CNTN3: variants seen among roughly 807,000 people sequenced by gnomAD.
The protein encoded by CNTN3 is contactin-3.
Under a neutral mutation model 119.1 loss-of-function variants are expected in CNTN3, and 60 were observed. The ratio of observed to expected loss-of-function variants is 0.50; its 90% CI spans 0.41 to 0.62. The LOEUF (loss-of-function observed/expected upper bound fraction) is 0.62. Ranked by LOEUF, CNTN3 falls within the 20% of genes least tolerant of loss-of-function variation. The pLI, the probability that CNTN3 is intolerant of heterozygous loss-of-function variation, is 0.00. For missense variants in CNTN3, 1,101 were observed against 1,242.4 expected (o/e 0.89, Z 1.71); for synonymous variants, 450 against 438.7 (o/e 1.03, Z -0.32).
Position 74,457,394 on chromosome 3 carries a change from A to G in CNTN3, c.358+29062T>C, listed in dbSNP as rs559482222. On this transcript the variant is annotated intron_variant, in intron 4 of 22. Transcript: ENST00000263665. Reference sequence around the variant, plus strand: ...TGGTCAAAACTTTTTATACTTTATCATCAACTATGTGCCTAAGGAAAATTA... The same window carrying G: ...TGGTCAAAACTTTTTATACTTTATCGTCAACTATGTGCCTAAGGAAAATTA... Among the ~76,000 whole-genome samples, 263 of 152,136 alleles carry G rather than the reference A, an allele frequency of 1.7e-3. 2 individuals carry two copies. Among genetic ancestry groups the G allele is most frequent in the African/African-American group, 6.0e-3 (251 of 41,544 alleles).
chr3:74,380,949 T>G (rs1165191487), intron 5 of CNTN3, among the ~76,000 whole-genome samples: 1 of 152,062 alleles, frequency 6.6e-6, no homozygotes, highest in Admixed American at 6.6e-5. Context: ...TTTTCACTGG[T>G]AAACAGAAAT....
intron 4 of CNTN3, among the ~76,000 whole-genome samples, chr3:74,458,659 G>A (rs1019401692): frequency 6.6e-5 from 10 of 152,008 alleles, no homozygotes; most frequent in Non-Finnish European, 1.5e-5. Context: ...CAGAGATGGA[G>A]AAGAGATCAG....
intron 2 of CNTN3, among the ~76,000 whole-genome samples, chr3:74,509,366 T>G (rs942512028): frequency 2.0e-5 from 3 of 147,580 alleles, no homozygotes; most frequent in Non-Finnish European, 4.4e-5. Flanking sequence ...CAGGCTGGAG[T>G]GCAGTGATGC....
chr3:74,328,976 G>A (rs1197883423), intron 13 of CNTN3, among the ~76,000 whole-genome samples: 1 of 152,158 alleles, frequency 6.6e-6, no homozygotes, highest in African/African-American at 2.4e-5. Context: ...ACGGGGATAT[G>A]CTTAAAAACT....
intron 1 of CNTN3, among the ~76,000 whole-genome samples, chr3:74,528,162 T>C (rs1022332714): frequency 2.6e-5 from 4 of 151,858 alleles, no homozygotes; most frequent in African/African-American, 7.2e-5. Flanking sequence ...TAAATAATTA[T>C]AAAGGGTATG....
chr3:74,349,401 T>C (rs1575743675), intron 11 of CNTN3, among the ~76,000 whole-genome samples: 4 of 152,302 alleles, frequency 2.6e-5, no homozygotes, highest in Admixed American at 2.6e-4. Flanking sequence ...CCATAGCAAG[T>C]AACAATAAAG....
chr3:74,443,740 G>T (rs376663473), intron 4 of CNTN3, among the ~76,000 whole-genome samples: 24 of 152,186 alleles, frequency 1.6e-4, no homozygotes, highest in Admixed American at 2.6e-4. Flanking sequence ...TTTCCCCTAG[G>T]AGGTCGTTAT....
intron 5 of CNTN3, among the ~76,000 whole-genome samples, chr3:74,395,250 C>T (rs887488563): frequency 6.6e-6 from 1 of 152,110 alleles, no homozygotes; most frequent in Non-Finnish European, 1.5e-5. Context: ...TCAAACCACT[C>T]TACCCAATCA....
At chr3:74,585,291 T>C (rs533339773) in intron 1 of CNTN3, among the ~76,000 whole-genome samples, 5 of 152,270 alleles carry the variant, frequency 3.3e-5, no homozygotes, top group South Asian at 2.1e-4. Context: ...AAATTCTGTA[T>C]TGCATTTACA....
intron 2 of CNTN3, among the ~76,000 whole-genome samples, chr3:74,517,230 G>A (rs571508587): frequency 3.3e-5 from 5 of 151,966 alleles, no homozygotes; most frequent in Admixed American, 1.3e-4. Flanking sequence ...GCTGACTTAC[G>A]ATCTGGCCTT....
chr3:74,556,911 T>C (rs1704077761), intron 1 of CNTN3, among the ~76,000 whole-genome samples: 1 of 152,230 alleles, frequency 6.6e-6, no homozygotes, highest in South Asian at 2.1e-4. Context: ...CATGTTTTCA[T>C]GTGCTTATTG....
intron 1 of CNTN3, among the ~76,000 whole-genome samples, chr3:74,532,326 C>A (rs1473376834): frequency 1.3e-5 from 2 of 151,938 alleles, no homozygotes; most frequent in Admixed American, 1.3e-4. Context: ...ATACAGTAGA[C>A]CCCCTTATCT....
intron 13 of CNTN3, among the ~76,000 whole-genome samples, chr3:74,309,468 T>G (rs1377011174): frequency 1.3e-5 from 2 of 152,152 alleles, no homozygotes; most frequent in African/African-American, 4.8e-5. Flanking sequence ...GAGTCTGTGT[T>G]TTGAAAAACA....
intron 11 of CNTN3, among the ~76,000 whole-genome samples, chr3:74,344,481 A>G: frequency 7.3e-6 from 1 of 137,362 alleles, no homozygotes; most frequent in South Asian, 2.3e-4. Flanking sequence ...GCTGGAGTAC[A>G]GTGGCGCGAT....
chr3:74,409,832 A>G (rs1701408520), intron 5 of CNTN3, among the ~76,000 whole-genome samples: 1 of 152,038 alleles, frequency 6.6e-6, no homozygotes, highest in African/African-American at 2.4e-5. Context: ...CACTCATTTT[A>G]CTTCCCGGAA....
intron 1 of CNTN3, among the ~76,000 whole-genome samples, chr3:74,606,418 C>T (rs1704993895): frequency 6.6e-6 from 1 of 151,604 alleles, no homozygotes; most frequent in African/African-American, 2.4e-5. Context: ...ATGTCTTATG[C>T]ATTTTGTGTG....
chr3:74,277,461 A>C (rs1170035699), intron 20 of CNTN3, among the ~76,000 whole-genome samples: 1 of 152,200 alleles, frequency 6.6e-6, no homozygotes, highest in Admixed American at 6.5e-5. Flanking sequence ...GGATGTTTTA[A>C]AATACACAAG....
In CNTN3 at chr3:74,534,553, TAG is replaced by T; in HGVS notation, c.-80-13363_-80-13362del. Among the ~76,000 whole-genome samples, 4 of 152,172 alleles carry T rather than the reference TAG, an allele frequency of 2.6e-5. 1 individual carries two copies. Among genetic ancestry groups the T allele is most frequent in the African/African-American group, 9.6e-5 (4 of 41,540 alleles). On this transcript the variant is annotated intron_variant, in intron 1 of 22. Coordinates refer to ENST00000263665, the MANE Select transcript of CNTN3 (RefSeq NM_020872.3). ...TAGGTTGTGTTTAAGATGCTGTATG[TAG>T]AGTTTTTGTTTGTCTTAAACAAATG...
At chr3:74,343,757 C>G (rs144635263) in intron 11 of CNTN3, among the ~76,000 whole-genome samples, 34 of 152,266 alleles carry the variant, frequency 2.2e-4, no homozygotes, top group African/African-American at 7.2e-4. Flanking sequence ...AGTTACCTAG[C>G]GGATTCTTCA....
Sources: gnomAD v4.1 joint callset for allele counts (sites outside exome capture counted in the v4.1 genomes callset) on GRCh38, gnomAD v4.1.1 for gene constraint, MANE v1.5 for transcripts, NCBI Gene and HGNC (gene_info 2026-07-23, HGNC 2026-07-21) for gene names.